TBCK: variants seen among roughly 807,000 people sequenced by gnomAD.
TBCK encodes the protein TBC domain-containing protein kinase-like protein.
TBCK carries 99 observed loss-of-function variants against 113.4 expected under a neutral mutation model. The observed-to-expected ratio is 0.87, with a 90% CI of 0.74 to 1.03. TBCK has a LOEUF of 1.03. Ranked by LOEUF, TBCK falls within the 50% of genes least tolerant of loss-of-function variation. The pLI is 0.00. For synonymous variants in TBCK, 369 were observed against 370.8 expected, an observed-to-expected ratio of 1.00 and a Z score of 0.05; for missense variants, 1,045 against 1,061.3, an observed-to-expected ratio of 0.98 and a Z score of 0.21.
At chr4:106,216,951 T>G (rs1015422017) in intron 19 of TBCK, among the ~76,000 whole-genome samples, 1 of 152,122 alleles carries the variant, frequency 6.6e-6, no homozygotes, top group Non-Finnish European at 1.5e-5. Flanking sequence ...TGATGAACAT[T>G]GATGCAAAAA....
intron 24 of TBCK, among the ~76,000 whole-genome samples, chr4:106,105,338 C>A (rs947316239): frequency 2.0e-5 from 3 of 150,664 alleles, no homozygotes; most frequent in Admixed American, 6.6e-5. Context: ...CCCCAGGAGT[C>A]AAAAAAAAAT....
intron 22 of TBCK, among the ~76,000 whole-genome samples, chr4:106,184,569 C>T (rs369750237): frequency 1.1e-4 from 17 of 151,936 alleles, no homozygotes; most frequent in African/African-American, 2.9e-4. Context: ...TAAGACTAGT[C>T]GTATACATAT....
Position 106,247,228 on chromosome 4 carries a change from G to A in TBCK, c.842C>T (p.Thr281Ile), listed in dbSNP as rs1488908306. The change falls in exon 10 of 26, where the codon ACC becomes ATC. Residue 281 changes from threonine (T) to isoleucine (I), a missense_variant. Thr to Ile is a moderately conservative substitution (Grantham distance 89). Coordinates refer to ENST00000394708, the MANE Select transcript of TBCK (RefSeq NM_001163435.3). ...CAGACTGGCAGGTTTGGTAAAGGGGGTATATAAAGGTGATACCTCACTGAA... is the reference window on the plus strand; with the variant it reads ...CAGACTGGCAGGTTTGGTAAAGGGGATATATAAAGGTGATACCTCACTGAA... ...KVFSEVSPLY[T>I]PFTKPASLFS... is the part of the protein sequence containing the mutation. 6.2e-7 allele frequency: 1 copy of A among 1,612,886 alleles called. No homozygotes were observed. The highest frequency in any genetic ancestry group is 8.5e-7 in the Non-Finnish European group (1 of 1,179,160).
At chr4:106,194,834 A>T in intron 20 of TBCK, 80 bp from the exon 21 acceptor site, 6 of 1,206,046 alleles carry the variant, frequency 5.0e-6, no homozygotes, top group South Asian at 1.4e-5. Context: ...AATAAACTAA[A>T]TGGTAAATGT....
chr4:106,305,183 T>G (rs1767383749), intron 2 of TBCK, among the ~76,000 whole-genome samples: 1 of 152,186 alleles, frequency 6.6e-6, no homozygotes, highest in Non-Finnish European at 1.5e-5. Flanking sequence ...TTATTTTTCT[T>G]TCATGTACTA....
At chr4:106,159,365 T>C (rs1749490196) in intron 23 of TBCK, among the ~76,000 whole-genome samples, 1 of 152,106 alleles carries the variant, frequency 6.6e-6, no homozygotes, top group Non-Finnish European at 1.5e-5. Context: ...GATGATGTGA[T>C]CTTATATCTA....
chr4:106,212,635 A>G (rs1756283697), intron 20 of TBCK, 115 bp downstream of exon 20: 1 of 661,622 alleles, frequency 1.5e-6, no homozygotes, highest in African/African-American at 1.8e-5. Flanking sequence ...TAGTAGCAGT[A>G]ACTTGTTCAG....
intron 19 of TBCK, among the ~76,000 whole-genome samples, chr4:106,224,034 C>G (rs1257921845): frequency 6.6e-6 from 1 of 151,938 alleles, no homozygotes; most frequent in Non-Finnish European, 1.5e-5. Flanking sequence ...TTTGTCAACT[C>G]AATAACAATG....
At chr4:106,211,486 A>G (rs1301072804) in intron 20 of TBCK, among the ~76,000 whole-genome samples, 1 of 152,174 alleles carries the variant, frequency 6.6e-6, no homozygotes, top group African/African-American at 2.4e-5. Flanking sequence ...CACATGTAGG[A>G]GGCAGAAAAC....
At chr4:106,130,189 C>A (rs1457655501) in intron 23 of TBCK, among the ~76,000 whole-genome samples, 1 of 152,062 alleles carries the variant, frequency 6.6e-6, no homozygotes, top group African/African-American at 2.4e-5. Context: ...GAAAGAGATA[C>A]CTAGTGAATG....
chr4:106,214,093 C>A (rs980637592), intron 19 of TBCK, among the ~76,000 whole-genome samples: 1 of 152,174 alleles, frequency 6.6e-6, no homozygotes, highest in Non-Finnish European at 1.5e-5. Context: ...GGGAGGCACC[C>A]TCCAGCAGGG....
chr4:106,124,089 C>T (rs1265852278), intron 23 of TBCK, among the ~76,000 whole-genome samples: 16 of 149,952 alleles, frequency 1.1e-4, no homozygotes, highest in East Asian at 3.9e-4. Flanking sequence ...AGAAAATTTT[C>T]GCAACCTACT....
intron 19 of TBCK, among the ~76,000 whole-genome samples, chr4:106,215,217 A>G (rs548942714): frequency 4.8e-4 from 73 of 152,290 alleles, no homozygotes; most frequent in African/African-American, 1.6e-3. Context: ...TGAAGGAAGC[A>G]GTAAACATGG....
chr4:106,310,152 C>T (rs966703717), intron 1 of TBCK, among the ~76,000 whole-genome samples: 1 of 152,044 alleles, frequency 6.6e-6, no homozygotes, highest in African/African-American at 2.4e-5. Flanking sequence ...AATTCCAATT[C>T]AATAAATCCA....
At chr4:106,290,672 C>G (rs924869866) in intron 3 of TBCK, among the ~76,000 whole-genome samples, 1 of 152,098 alleles carries the variant, frequency 6.6e-6, no homozygotes, top group South Asian at 2.1e-4. Flanking sequence ...CCCAACCCCC[C>G]CACCATGGAC....
chr4:106,197,407 G>A lies in TBCK; in HGVS notation c.1861-2653C>T, dbSNP rs1445387389. Among the ~76,000 whole-genome samples, 427 of 100,906 alleles carry A rather than the reference G, an allele frequency of 4.2e-3. 1 individual carries two copies. Among genetic ancestry groups the A allele is most frequent in the African/African-American group, 0.012 (405 of 33,632 alleles). 66.2% of individuals were successfully genotyped at this position (100,906 alleles called of 152,430 possible). A position where few individuals can be genotyped will look rare whatever the true frequency, so the allele number is the denominator to read the frequency against. ...TCTGAGTGTGTGTGTGTGTGTGTGT[G>A]TGTGTATATATATATATATATATAT... On this transcript the variant is annotated intron_variant, in intron 20 of 25. Transcript: ENST00000394708.
In TBCK at chr4:106,171,265, C is replaced by G; in HGVS notation, c.2065G>C (p.Asp689His). The G allele has an allele frequency of 6.3e-7, 1 of 1,598,056 alleles. No individual in the cohort carries two copies. Among genetic ancestry groups the G allele is most frequent in the Non-Finnish European group, 8.5e-7 (1 of 1,174,654 alleles). ...ILLFSDLPEI[D>H]IERCVRESIN... Reference sequence around the variant, plus strand: ...GATTCTCTCACACAGCGTTCAATGTCAATTTCTAGATAGAAATGTTTTAAA... The same window carrying G: ...GATTCTCTCACACAGCGTTCAATGTGAATTTCTAGATAGAAATGTTTTAAA... The change falls in exon 23 of 26, where the codon GAC becomes CAC. Residue 689 changes from aspartate to histidine, a missense_variant. Coordinates refer to ENST00000394708, the MANE Select transcript of TBCK (RefSeq NM_001163435.3).
At chr4:106,252,734 C>T (rs1358828675) in intron 5 of TBCK, among the ~76,000 whole-genome samples, 1 of 151,982 alleles carries the variant, frequency 6.6e-6, no homozygotes, top group African/African-American at 2.4e-5. Context: ...TATTACATAT[C>T]CCACAAGTAT....
At chr4:106,275,648 A>G (rs1291502642) in intron 3 of TBCK, among the ~76,000 whole-genome samples, 1 of 152,186 alleles carries the variant, frequency 6.6e-6, no homozygotes, top group Non-Finnish European at 1.5e-5. Context: ...CAATTGGAAA[A>G]TAAAACTAAA....
Sources: gnomAD v4.1 joint callset for allele counts (sites outside exome capture counted in the v4.1 genomes callset) on GRCh38, gnomAD v4.1.1 for gene constraint, MANE v1.5 for transcripts, NCBI Gene and HGNC (gene_info 2026-07-23, HGNC 2026-07-21) for gene names.